CNTNAP2: variants seen among roughly 807,000 people sequenced by gnomAD.
The protein encoded by CNTNAP2 is contactin associated protein 2, also known as contactin-associated protein-like 2.
In CNTNAP2, 98 loss-of-function variants were observed where a neutral mutation model predicts 155.2. The ratio of observed to expected loss-of-function variants is 0.63; its 90% confidence interval spans 0.54 to 0.75. The LOEUF is 0.75. Ranked by LOEUF, CNTNAP2 falls within the 30% of genes least tolerant of loss-of-function variation. The probability of loss-of-function intolerance (pLI) is 0.00; values close to 1 mark genes in which losing one functional copy is unlikely to be tolerated. For missense variants in CNTNAP2, 1,727 were observed against 1,688.1 expected, an observed-to-expected ratio of 1.02 and a Z score of -0.40; for synonymous variants, 651 against 631.2, an observed-to-expected ratio of 1.03 and a Z score of -0.47.
chr7:146,172,819 C>A (rs1300311337), intron 1 of CNTNAP2, among the ~76,000 whole-genome samples: 1 of 152,066 alleles, frequency 6.6e-6, no homozygotes. Flanking sequence ...GTTTGGAATA[C>A]AGACATGCAA....
At chr7:147,378,128 A>G (rs1263617117) in intron 9 of CNTNAP2, 1 of 419,600 alleles carries the variant, frequency 2.4e-6, no homozygotes. Flanking sequence ...ACTCATTTTT[A>G]TACTGTATAT....
chr7:148,033,477 C>T (rs1348276523), intron 15 of CNTNAP2, among the ~76,000 whole-genome samples: 5 of 151,998 alleles, frequency 3.3e-5, no homozygotes, highest in Admixed American at 6.6e-5. Context: ...TTCCTCTACC[C>T]GCCACTCCAC....
intron 14 of CNTNAP2, among the ~76,000 whole-genome samples, chr7:147,907,224 T>C (rs113917376): frequency 0.037 from 5,656 of 151,984 alleles, 182 homozygotes; most frequent in Middle Eastern, 0.061. Flanking sequence ...GCCTGGCTTA[T>C]TTTTTGTATT....
chr7:147,255,396 A>G (rs1804298592), intron 8 of CNTNAP2, among the ~76,000 whole-genome samples: 1 of 152,020 alleles, frequency 6.6e-6, no homozygotes, highest in South Asian at 2.1e-4. Flanking sequence ...TAATTTCTGT[A>G]TTTTTGGTAG....
chr7:147,593,957 C>T (rs546900289), intron 12 of CNTNAP2, among the ~76,000 whole-genome samples: 9 of 152,238 alleles, frequency 5.9e-5, no homozygotes, highest in South Asian at 2.1e-4. Flanking sequence ...CTGAAAACAG[C>T]TTCACGAAGT....
At chr7:147,292,008 A>G (rs1459784519) in intron 8 of CNTNAP2, among the ~76,000 whole-genome samples, 2 of 152,170 alleles carry the variant, frequency 1.3e-5, no homozygotes, top group Non-Finnish European at 2.9e-5. Context: ...AGATACATGC[A>G]CTGAAAATAA....
At chr7:147,255,456 G>C (rs750406895) in intron 8 of CNTNAP2, among the ~76,000 whole-genome samples, 3 of 151,688 alleles carry the variant, frequency 2.0e-5, no homozygotes, top group African/African-American at 7.3e-5. Context: ...TCCTGACCTC[G>C]AGTGATCTGC....
chr7:147,379,874 A>G (rs1038871347), intron 9 of CNTNAP2, among the ~76,000 whole-genome samples: 1 of 152,088 alleles, frequency 6.6e-6, no homozygotes, highest in African/African-American at 2.4e-5. Context: ...CCCTCTGACT[A>G]CTATAGCCCA....
chr7:146,352,835 A>G (rs186831720), intron 1 of CNTNAP2, among the ~76,000 whole-genome samples: 1,669 of 139,320 alleles, frequency 0.012, 20 homozygotes, highest in Middle Eastern at 0.043. Context: ...GCTCACTGCA[A>G]GCTCCGCCTC....
chr7:147,979,168 G>T (rs1457117949), intron 15 of CNTNAP2, among the ~76,000 whole-genome samples: 1 of 152,162 alleles, frequency 6.6e-6, no homozygotes, highest in African/African-American at 2.4e-5. Flanking sequence ...AAGGGAGATG[G>T]ACTTTGTACT....
At chr7:147,518,440 TCTGGACTTTGGGGGC>T (rs1174684863) in intron 11 of CNTNAP2, among the ~76,000 whole-genome samples, 2 of 152,190 alleles carry the variant, frequency 1.3e-5, no homozygotes, top group African/African-American at 4.8e-5. Context: ...TCAGTCAAGG[TCTGGACTTTGGGGGC>T]CTGTCCTAGC....
chr7:147,772,446 CTATATATATA>C (rs58027241), intron 13 of CNTNAP2, among the ~76,000 whole-genome samples: 2,993 of 63,700 alleles, frequency 0.047, 116 homozygotes, highest in South Asian at 0.16. Flanking sequence ...CTCTCTCTCG[CTATATATATA>C]TATATATATA....
chr7:147,474,048 C>A (rs1798272571), intron 10 of CNTNAP2, among the ~76,000 whole-genome samples: 1 of 151,882 alleles, frequency 6.6e-6, no homozygotes, highest in Admixed American at 6.6e-5. Flanking sequence ...CACTGCACTG[C>A]AGCCTGGGAG....
intron 3 of CNTNAP2, among the ~76,000 whole-genome samples, chr7:146,880,095 A>G (rs2129209114): frequency 6.6e-6 from 1 of 152,240 alleles, no homozygotes; most frequent in East Asian, 1.9e-4. Context: ...CATGGGAATT[A>G]TGGCAGCTAA....
intron 1 of CNTNAP2, among the ~76,000 whole-genome samples, chr7:146,558,419 C>CGA (rs1798229155): frequency 6.6e-6 from 1 of 151,834 alleles, no homozygotes; most frequent in African/African-American, 2.4e-5. Flanking sequence ...TTTTTTTTAA[C>CGA]CACTTTATTT....
chr7:147,448,902 A>G (rs1181291422), intron 10 of CNTNAP2, among the ~76,000 whole-genome samples: 2 of 152,146 alleles, frequency 1.3e-5, no homozygotes, highest in African/African-American at 4.8e-5. Flanking sequence ...CTACTTGTAT[A>G]ATTTTTATAT....
At chr7:146,543,447 T>C (rs1044595601) in intron 1 of CNTNAP2, among the ~76,000 whole-genome samples, 3 of 151,842 alleles carry the variant, frequency 2.0e-5, no homozygotes, top group African/African-American at 4.8e-5. Flanking sequence ...GGATTGTTTT[T>C]CTAGCACCAT....
intron 14 of CNTNAP2, among the ~76,000 whole-genome samples, chr7:147,942,666 C>A (rs1202922492): frequency 6.6e-6 from 1 of 152,094 alleles, no homozygotes; most frequent in South Asian, 2.1e-4. Flanking sequence ...TACTACTGTC[C>A]TGTGTAGGAA....
chr7:146,836,169 C>T (rs979107079), intron 2 of CNTNAP2, among the ~76,000 whole-genome samples: 1 of 152,092 alleles, frequency 6.6e-6, no homozygotes, highest in Admixed American at 6.5e-5. Flanking sequence ...CAAACACATA[C>T]ACTAGATACT....
Sources: allele counts gnomAD v4.1 joint callset (sites outside exome capture counted in the v4.1 genomes callset), GRCh38; gene constraint gnomAD v4.1.1; transcripts MANE v1.5; gene names NCBI Gene and HGNC (gene_info 2026-07-23, HGNC 2026-07-21).